Variants in RARB observed in about 807,000 individuals in gnomAD.
RARB encodes the protein retinoic acid receptor beta.
A neutral mutation model predicts 51.9 loss-of-function variants in RARB; 17 were observed. The ratio of observed to expected loss-of-function variants is 0.33; its 90% CI spans 0.22 to 0.49. RARB has a LOEUF of 0.49. Among genes scored for constraint, RARB ranks in the 20% least tolerant of loss-of-function variants. The probability of loss-of-function intolerance (pLI) is 0.99; values close to 1 mark genes in which losing one functional copy is unlikely to be tolerated. For synonymous variants in RARB, 215 were observed against 195.4 expected (o/e 1.10, Z -0.84); for missense variants, 369 against 550.8 (o/e 0.67, Z 3.30).
chr3:25,569,978 G>GCA, intron 4 of RARB, 60 bp downstream of exon 4: 1 of 1,430,848 alleles, frequency 7.0e-7, no homozygotes, highest in South Asian at 1.3e-5. Context: ...GTGCATGTGT[G>GCA]CAGACACACA....
Position 24,868,274 on chromosome 3 carries a change from A to G in RARB, c.-380+9522A>G, listed in dbSNP as rs2362768. 3.2e-3 allele frequency among the ~76,000 whole-genome samples: 488 copies of G among 152,266 alleles called. 18 individuals carry two copies. The East Asian group carries it at 0.075, about 23-fold the overall frequency. On this transcript the variant is annotated intron_variant, in intron 2 of 11. Coordinates refer to the RARB transcript ENST00000383772. ...TTTAGAGATCAAAATAATTAATGTA[A>G]TACACAACAAGAATAGAAGGCACCT...
intron 5 of RARB, among the ~76,000 whole-genome samples, chr3:25,358,956 C>G (rs78752966): frequency 0.03 from 4,504 of 150,168 alleles, 250 homozygotes; most frequent in African/African-American, 0.1. Flanking sequence ...TTTTTTTAAT[C>G]TCTGCCAGGT....
At chr3:25,325,819 G>A (rs1037550778) in intron 5 of RARB, among the ~76,000 whole-genome samples, 2 of 150,834 alleles carry the variant, frequency 1.3e-5, no homozygotes, top group African/African-American at 4.9e-5. Flanking sequence ...AAAGTGGGGG[G>A]CGGGGGGAAG....
At chr3:25,110,313 T>C (rs1000729599) in intron 3 of RARB, among the ~76,000 whole-genome samples, 1 of 152,232 alleles carries the variant, frequency 6.6e-6, no homozygotes, top group African/African-American at 2.4e-5. Context: ...TCTGTACTTT[T>C]CTAAGGGCAT....
At chr3:24,927,436 G>C (rs557105495) in intron 2 of RARB, among the ~76,000 whole-genome samples, 1 of 151,978 alleles carries the variant, frequency 6.6e-6, no homozygotes, top group Non-Finnish European at 1.5e-5. Context: ...GTTTCTGCAC[G>C]GCAATGGAAT....
intron 5 of RARB, among the ~76,000 whole-genome samples, chr3:25,319,269 C>G (rs74369789): frequency 6.6e-6 from 1 of 152,138 alleles, no homozygotes; most frequent in Non-Finnish European, 1.5e-5. Context: ...ACCCTCAGGT[C>G]CTCCCAGGAT....
chr3:25,475,714 A>C (rs1695913505), intron 2 of RARB, among the ~76,000 whole-genome samples: 2 of 152,138 alleles, frequency 1.3e-5, no homozygotes, highest in Admixed American at 6.6e-5. Flanking sequence ...TGCCATATCC[A>C]CGCTGACCAA....
chr3:24,872,209 A>G (rs1702961096), intron 2 of RARB, among the ~76,000 whole-genome samples: 1 of 152,040 alleles, frequency 6.6e-6, no homozygotes, highest in Non-Finnish European at 1.5e-5. Flanking sequence ...TTCCTCCACC[A>G]TTACCATTAT....
At chr3:25,476,240 A>G (rs995178203) in intron 2 of RARB, among the ~76,000 whole-genome samples, 19 of 152,290 alleles carry the variant, frequency 1.2e-4, no homozygotes, top group Admixed American at 2.6e-4. Flanking sequence ...GCAGTTGCCA[A>G]TGTTTACTCC....
chr3:25,181,559 G>C (rs1700861699), intron 5 of RARB, among the ~76,000 whole-genome samples: 1 of 152,158 alleles, frequency 6.6e-6, no homozygotes, highest in Non-Finnish European at 1.5e-5. Flanking sequence ...TGCAATGTAT[G>C]CGATAGTTGC....
intron 2 of RARB, among the ~76,000 whole-genome samples, chr3:24,959,632 A>C (rs1012070178): frequency 6.6e-6 from 1 of 152,214 alleles, no homozygotes; most frequent in Non-Finnish European, 1.5e-5. Flanking sequence ...TTTGCCAGGG[A>C]CACTGCCCTT....
At chr3:25,326,266 C>G (rs1380661142) in intron 5 of RARB, among the ~76,000 whole-genome samples, 3 of 152,190 alleles carry the variant, frequency 2.0e-5, no homozygotes, top group East Asian at 3.9e-4. Flanking sequence ...GGGAGGCTGT[C>G]TAGAGTTGCC....
chr3:24,845,716 C>T (rs931293274), intron 1 of RARB, among the ~76,000 whole-genome samples: 5 of 151,828 alleles, frequency 3.3e-5, no homozygotes, highest in African/African-American at 1.2e-4. Flanking sequence ...TTTGACATTC[C>T]CTCCCCCACT....
In RARB at chr3:25,480,156, G is replaced by A. The variant is rs369194814; in HGVS notation, c.306+18815G>A. Among the ~76,000 whole-genome samples the A allele has an allele frequency of 3.9e-5, 6 of 152,236 alleles. No homozygotes were observed. The East Asian group carries it at 7.7e-4, about 20-fold the overall frequency. On this transcript the variant is annotated intron_variant, in intron 2 of 7. Transcript: ENST00000330688. ...TCACATAGCCTGGGTTCAAATCTTGGCTCCATCGTTTGGACAAACCACTGA... is the reference window on the plus strand; with the variant it reads ...TCACATAGCCTGGGTTCAAATCTTGACTCCATCGTTTGGACAAACCACTGA...
intron 2 of RARB, among the ~76,000 whole-genome samples, chr3:24,957,232 A>G (rs6797081): frequency 0.46 from 69,415 of 152,018 alleles, 16,412 homozygotes; most frequent in East Asian, 0.61. Flanking sequence ...GTTTCCAAAT[A>G]TATTCTAGCA....
chr3:24,850,786 T>G (rs1303340396), intron 1 of RARB, among the ~76,000 whole-genome samples: 1 of 152,142 alleles, frequency 6.6e-6, no homozygotes, highest in Non-Finnish European at 1.5e-5. Flanking sequence ...TTCTGATCAG[T>G]AGGTCAAGGA....
chr3:25,187,498 C>T (rs978142), intron 5 of RARB, among the ~76,000 whole-genome samples: 121,220 of 151,938 alleles, frequency 0.8, 48,555 homozygotes, highest in African/African-American at 0.86. Flanking sequence ...GCTTATTAAA[C>T]GTACATTACA....
At chr3:25,481,890 T>C (rs570478467) in intron 2 of RARB, among the ~76,000 whole-genome samples, 2 of 152,248 alleles carry the variant, frequency 1.3e-5, no homozygotes, top group Non-Finnish European at 2.9e-5. Context: ...TTTTAGGCTA[T>C]TAACAAATTT....
chr3:25,181,277 G>C (rs1007022289), intron 5 of RARB, among the ~76,000 whole-genome samples: 7 of 152,100 alleles, frequency 4.6e-5, no homozygotes, highest in African/African-American at 1.4e-4. Flanking sequence ...TTCCCACCCA[G>C]GTACCCACTG....
Sources: gnomAD v4.1 joint callset for allele counts (sites outside exome capture counted in the v4.1 genomes callset) on GRCh38, gnomAD v4.1.1 for gene constraint, MANE v1.5 for transcripts, NCBI Gene and HGNC (gene_info 2026-07-23, HGNC 2026-07-21) for gene names.